The following CCNYL1 variants were observed in gnomAD, a reference collection of about 807,000 sequenced individuals.
CCNYL1 encodes the protein cyclin-Y-like protein 1.
In CCNYL1, 16 loss-of-function variants were observed where a neutral mutation model predicts 44.2. The observed-to-expected ratio is 0.36, with a 90% confidence interval of 0.25 to 0.55. The LOEUF is 0.55. Among genes scored for constraint, CCNYL1 ranks in the 20% least tolerant of loss-of-function variants. The pLI is 0.85. For synonymous variants in CCNYL1, 159 were observed against 163.2 expected (o/e 0.97, Z 0.20); for missense variants, 348 against 451.8 (o/e 0.77, Z 2.08).
intron 1 of CCNYL1, among the ~76,000 whole-genome samples, chr2:207,715,375 A>ATTTCT (rs2091585394): frequency 1.2e-5 from 1 of 84,012 alleles, no homozygotes; most frequent in Non-Finnish European, 2.3e-5. Context: ...TCTTCAAGCT[A>ATTTCT]TTTCTTTTTT....
At chr2:207,753,182 A>G (rs1388702693) in intron 9 of CCNYL1, among the ~76,000 whole-genome samples, 1 of 152,212 alleles carries the variant, frequency 6.6e-6, no homozygotes, top group Non-Finnish European at 1.5e-5. Context: ...TTGAGTATAT[A>G]ATAGCTAATA....
At chr2:207,727,985 CAA>C (rs1159217361) in intron 3 of CCNYL1, among the ~76,000 whole-genome samples, 2 of 144,646 alleles carry the variant, frequency 1.4e-5, no homozygotes, top group African/African-American at 5.1e-5. Context: ...TTTTTTGAGA[CAA>C]AGTCTTGCTC....
Position 207,750,776 on chromosome 2 carries a change from T to G in CCNYL1, c.807-181T>G, listed in dbSNP as rs899299843. 1.5e-5 allele frequency: 8 copies of G among 538,748 alleles called. 1 individual carries two copies. The highest frequency in any genetic ancestry group is 1.4e-4 in the Admixed American group (4 of 29,526). 33.4% of individuals were successfully genotyped at this position (538,748 alleles called of 1,614,324 possible). The stretch of plus-strand genomic sequence containing the variant: ...TCATCCCAGTTCCAGAGTGCTGGGA[T>G]GCAGAAGGGACCACAAGTAACTGTA... On this transcript the variant is annotated intron_variant, in intron 8 of 9. Coordinates refer to ENST00000295414, the MANE Select transcript of CCNYL1 (RefSeq NM_001330218.2).
At chr2:207,733,227 A>C (rs1263176553) in intron 3 of CCNYL1, among the ~76,000 whole-genome samples, 2 of 152,252 alleles carry the variant, frequency 1.3e-5, no homozygotes, top group African/African-American at 4.8e-5. Context: ...AATAACTTAT[A>C]GAATAAAATT....
chr2:207,730,759 AAAAT>A (rs759166069), intron 3 of CCNYL1, among the ~76,000 whole-genome samples: 16 of 152,188 alleles, frequency 1.1e-4, no homozygotes, highest in Non-Finnish European at 7.3e-5. Flanking sequence ...CTCTGTTTAA[AAAAT>A]AAATAAATAA....
At chr2:207,745,831 C>T (rs2091850934) in intron 7 of CCNYL1, among the ~76,000 whole-genome samples, 1 of 152,118 alleles carries the variant, frequency 6.6e-6, no homozygotes, top group African/African-American at 2.4e-5. Flanking sequence ...TGCTCAGCTA[C>T]TTGGGAGGCT....
At chr2:207,735,604 A>G (rs1184116152) in intron 4 of CCNYL1, among the ~76,000 whole-genome samples, 2 of 152,108 alleles carry the variant, frequency 1.3e-5, no homozygotes, top group Non-Finnish European at 2.9e-5. Flanking sequence ...GGTGACTGAC[A>G]CCTGTAATCC....
intron 2 of CCNYL1, among the ~76,000 whole-genome samples, chr2:207,726,620 A>G (rs1293666282): frequency 1.3e-5 from 2 of 152,196 alleles, no homozygotes; most frequent in Non-Finnish European, 2.9e-5. Flanking sequence ...TTTCATTTCC[A>G]TGTAATAGAA....
intron 1 of CCNYL1, among the ~76,000 whole-genome samples, chr2:207,720,243 T>C (rs939043520): frequency 2.7e-5 from 4 of 147,162 alleles, no homozygotes; most frequent in Non-Finnish European, 6.0e-5. Flanking sequence ...ATTTCAGATA[T>C]ATGGCATATA....
Position 207,755,788 on chromosome 2 carries a change from G to A in CCNYL1, c.*2090G>A, listed in dbSNP as rs534783362. The A allele has an allele frequency of 6.6e-6, 1 of 152,168 alleles. No individual in the cohort carries two copies. Among genetic ancestry groups the A allele is most frequent in the Non-Finnish European group, 1.5e-5 (1 of 68,024 alleles). The allele number at this position is 152,168 out of a possible 1,614,324, so 9.4% of individuals were successfully genotyped here. On this transcript the variant is annotated 3_prime_UTR_variant, in exon 10 of 10. Transcript: ENST00000295414. ...CAAATAATTTTAGGAGACCGATAAT[G>A]TCACCTAAATTTGAAATACTAAGAA...
At chr2:207,737,017 G>A (rs1450718316) in intron 4 of CCNYL1, among the ~76,000 whole-genome samples, 1 of 151,560 alleles carries the variant, frequency 6.6e-6, no homozygotes, top group African/African-American at 2.4e-5. Context: ...CCGGGTTCAC[G>A]CCATTCTCTT....
chr2:207,750,038 T>C (rs2091880464), intron 8 of CCNYL1, among the ~76,000 whole-genome samples: 2 of 152,232 alleles, frequency 1.3e-5, no homozygotes, highest in Admixed American at 1.3e-4. Flanking sequence ...TGTGTGGTCA[T>C]GTAGCCGACT....
At chr2:207,744,486 G>A (rs2091839130) in intron 7 of CCNYL1, among the ~76,000 whole-genome samples, 1 of 151,552 alleles carries the variant, frequency 6.6e-6, no homozygotes, top group South Asian at 2.1e-4. Context: ...CCCTGCCTCA[G>A]CCTCCCGAGT....
chr2:207,714,525 TAA>T (rs2091578255), intron 1 of CCNYL1: 1 of 290,182 alleles, frequency 3.4e-6, no homozygotes, highest in African/African-American at 2.3e-5. Context: ...CAAAATGGCC[TAA>T]ATATACCCAT....
At chr2:207,726,957 G>T in intron 3 of CCNYL1, 81 bp downstream of exon 3, 1 of 990,586 alleles carries the variant, frequency 1.0e-6, no homozygotes. Flanking sequence ...AATATAATGG[G>T]GACCCAATAC....
intron 1 of CCNYL1, among the ~76,000 whole-genome samples, chr2:207,721,677 CT>C (rs1026993701): frequency 6.6e-6 from 1 of 151,958 alleles, no homozygotes; most frequent in Non-Finnish European, 1.5e-5. Context: ...TACATAACCC[CT>C]AACCATGATA....
Position 207,755,682 on chromosome 2 carries a change from G to T in CCNYL1, c.*1984G>T, listed in dbSNP as rs193078882. 6.6e-6 allele frequency: 1 copy of T among 152,332 alleles called. No homozygotes were observed. The highest frequency in any genetic ancestry group is 6.5e-5 in the Admixed American group (1 of 15,304). The allele number at this position is 152,332 out of a possible 1,614,324, so 9.4% of individuals were successfully genotyped here. A position where few individuals can be genotyped will look rare whatever the true frequency, so the allele number is the denominator to read the frequency against. On this transcript the variant is annotated 3_prime_UTR_variant, in exon 10 of 10. Transcript: ENST00000295414. Reference sequence around the variant, plus strand: ...TTATCATCCTACATGCTACCAAGCTGTAGGTGTCCCATTAAGTCCTGCTAT... The same window carrying T: ...TTATCATCCTACATGCTACCAAGCTTTAGGTGTCCCATTAAGTCCTGCTAT...
intron 7 of CCNYL1, among the ~76,000 whole-genome samples, chr2:207,746,584 T>C (rs185432338): frequency 9.8e-5 from 15 of 152,340 alleles, no homozygotes; most frequent in Admixed American, 9.2e-4. Flanking sequence ...ATTTAGTGTC[T>C]TGCTTTGGCT....
At chr2:207,750,774 G>C in intron 8 of CCNYL1, 183 bp from the exon 9 acceptor site, 1 of 530,200 alleles carries the variant, frequency 1.9e-6, no homozygotes, top group East Asian at 3.1e-5. Flanking sequence ...AGAGTGCTGG[G>C]ATGCAGAAGG....
Sources: gnomAD v4.1 joint callset for allele counts (sites outside exome capture counted in the v4.1 genomes callset) on GRCh38, gnomAD v4.1.1 for gene constraint, MANE v1.5 for transcripts, NCBI Gene and HGNC (gene_info 2026-07-23, HGNC 2026-07-21) for gene names.